Variants in CES4A observed in about 807,000 individuals in gnomAD.
CES4A encodes the protein carboxylesterase 6.
Under a neutral mutation model 65.4 loss-of-function variants are expected in CES4A, and 48 were observed. That is an observed-to-expected ratio of 0.73 (90% CI 0.58 to 0.93). The LOEUF is 0.93. Ranked by LOEUF, CES4A falls within the 40% of genes least tolerant of loss-of-function variation. The probability of loss-of-function intolerance (pLI) is 0.00; values close to 1 mark genes in which losing one functional copy is unlikely to be tolerated. For synonymous variants in CES4A, 247 were observed against 281.8 expected (o/e 0.88, Z 1.24); for missense variants, 685 against 728.5 (o/e 0.94, Z 0.69).
At chr16:67,005,612 C>T (rs932540619) in intron 11 of CES4A, 12 of 490,042 alleles carry the variant, frequency 2.4e-5, no homozygotes, top group Middle Eastern at 5.4e-4. Flanking sequence ...TTTGGGAAGC[C>T]GAAGTGGGTG....
rs1245230526 is a variant in CES4A at position 67,005,239 on chromosome 16, G to T, written c.1162-1G>T. 1 of 1,614,086 alleles carries T rather than the reference G, an allele frequency of 6.2e-7. No homozygotes were observed. Among genetic ancestry groups the T allele is most frequent in the South Asian group, 1.1e-5 (1 of 91,082 alleles). Reference sequence around the variant, plus strand: ...CAGGTAAGTGTGGCCTCCTCACTCAGAATATCACCAAGGAGCAGGTACCAC... The same window carrying T: ...CAGGTAAGTGTGGCCTCCTCACTCATAATATCACCAAGGAGCAGGTACCAC... On this transcript the variant is annotated splice_acceptor_variant, in intron 10 of 13. Coordinates refer to ENST00000648724, the Ensembl canonical transcript of CES4A. LOFTEE classifies it high-confidence loss of function.
Position 67,001,669 on chromosome 16 carries a change from C to T in CES4A, c.690+208C>T, listed in dbSNP as rs1965365332. ...ATAGCACTGATGAGAAAACTGAGCC[C>T]CAGGAAGGGTAGTGCTGAGGCTTGG... is the stretch of plus-strand genomic sequence containing the variant. On this transcript the variant is annotated intron_variant, in intron 5 of 13. Transcript: ENST00000648724. The surrounding 1 kb of genome is among the most constrained non-coding windows in gnomAD (Gnocchi z 4.1). 6.6e-6 allele frequency among the ~76,000 whole-genome samples: 1 copy of T among 152,200 alleles called. No homozygotes were observed. Among genetic ancestry groups the T allele is most frequent in the African/African-American group, 2.4e-5 (1 of 41,436 alleles).
intron 1 of CES4A, among the ~76,000 whole-genome samples, chr16:66,989,385 C>T (rs111661626): frequency 6.6e-6 from 1 of 150,906 alleles, no homozygotes; most frequent in African/African-American, 2.4e-5. Context: ...AACCATTATC[C>T]AGATCAACAT....
In CES4A at chr16:67,000,825, G is replaced by A; in HGVS notation, c.403-32G>A. 1 of 1,558,104 alleles carries A rather than the reference G, an allele frequency of 6.4e-7. No individual in the cohort carries two copies. Among genetic ancestry groups the A allele is most frequent in the Non-Finnish European group, 8.7e-7 (1 of 1,150,466 alleles). On this transcript the variant is annotated intron_variant, in intron 3 of 13. Coordinates refer to ENST00000648724, the Ensembl canonical transcript of CES4A. The surrounding 1 kb of genome is among the most constrained non-coding windows in gnomAD (Gnocchi z 4.2). ...GCCCGCGGTCCCACCGCCGCCCACC[G>A]CCCCGCTCAGATCCCGGCCTTCTTC...
chr16:67,008,894 A>C (rs1965978293), intron 13 of CES4A, 80 bp from the exon 14 acceptor site: 5 of 1,462,364 alleles, frequency 3.4e-6, no homozygotes, highest in Non-Finnish European at 4.7e-6. Context: ...CCCAAGGGCA[A>C]ATTAAACGAG....
rs763613217 is a variant in CES4A at position 66,995,682 on chromosome 16, G to A, written c.113G>A (p.Gly38Glu). 64 of 1,614,176 alleles carry A rather than the reference G, an allele frequency of 4.0e-5. No homozygotes were observed. The East Asian group carries it at 1.4e-3, about 35-fold the overall frequency. The change falls in exon 2 of 14, where the codon GGA (glycine) becomes GAA (glutamate). Residue 38 changes from glycine to glutamate, a missense_variant. Gly to Glu is a moderately conservative substitution (Grantham distance 98). Transcript: ENST00000648724. ...GTCACCAAATATGGAACCCTGCAAGGAAAACAGATGCATGTGGGGAAGACA... is the reference window on the plus strand; with the variant it reads ...GTCACCAAATATGGAACCCTGCAAGAAAAACAGATGCATGTGGGGAAGACA...
chr16:66,988,735 T>C lies in CES4A; in HGVS notation c.-38T>C, dbSNP rs552153673. The C allele has an allele frequency of 5.3e-5, 83 of 1,553,538 alleles. 1 individual carries two copies. The South Asian group carries it at 9.6e-4, about 18-fold the overall frequency. ...TCCACAGTGTTGCCATCCACAGTGT[T>C]GCCATCACTCCTGCCCACAGCAGGA... On this transcript the variant is annotated 5_prime_UTR_variant, in exon 1 of 14. Transcript: ENST00000648724.
At position 67,000,947 on chromosome 16, in the gene CES4A, C is replaced by T. The variant is rs769625338; in HGVS notation, c.493C>T (p.Leu165=). ...CTTGGCCGCCCGCGAGAAAGTGGTGCTGGTGTTTCTGCAGCACAGGCTCGG... is the reference window on the plus strand; with the variant it reads ...CTTGGCCGCCCGCGAGAAAGTGGTGTTGGTGTTTCTGCAGCACAGGCTCGG... The change falls in exon 4 of 14, where the codon CTG becomes TTG. Residue 165 remains leucine, a synonymous_variant. Coordinates refer to ENST00000648724, the Ensembl canonical transcript of CES4A. This position sits in a 1 kb window ranked among gnomAD's most constrained non-coding sequence, Gnocchi z 4.2. 1.6e-5 allele frequency: 26 copies of T among 1,613,218 alleles called. No homozygotes were observed. The African/African-American group carries it at 3.2e-4, about 20-fold the overall frequency.
In CES4A at chr16:66,995,884, T is replaced by C. The variant is rs1293271358; in HGVS notation, c.260+55T>C. ...GGGGCAATGGGCCTATGCCTGCATCTGGGTGGGGCTTTGCACAGCTCACTG... is the reference window on the plus strand; with the variant it reads ...GGGGCAATGGGCCTATGCCTGCATCCGGGTGGGGCTTTGCACAGCTCACTG... On this transcript the variant is annotated intron_variant, in intron 2 of 13. Transcript: ENST00000648724. The C allele has an allele frequency of 2.0e-6, 3 of 1,514,240 alleles. No individual in the cohort carries two copies. In the East Asian group the frequency reaches 6.8e-5, roughly 34 times the overall value. The allele number at this position is 1,514,240 out of a possible 1,614,324, so 93.8% of individuals were successfully genotyped here.
In CES4A at chr16:67,003,087, C is replaced by G. The variant is rs574058890; in HGVS notation, c.708C>G (p.Ala236=). The G allele has an allele frequency of 5.0e-6, 8 of 1,614,088 alleles. No homozygotes were observed. The South Asian group carries it at 8.8e-5, about 18-fold the overall frequency. Residue 236 remains alanine (A), a synonymous_variant, in exon 6 of 14, where the codon GCC becomes GCG. Transcript: ENST00000648724. This position sits in a 1 kb window ranked among gnomAD's most constrained non-coding sequence, Gnocchi z 4.2. ...TCTTGCAGATGATGTCACCCCTAGC[C>G]TCGGGTCTCTTCCATCGGGCCATTT...
chr16:67,008,849 G>C, intron 13 of CES4A, 125 bp from the exon 14 acceptor site: 1 of 929,456 alleles, frequency 1.1e-6, no homozygotes, highest in South Asian at 1.6e-5. Flanking sequence ...AAAGTTCTAA[G>C]TATCATCTCC....
chr16:66,996,730 C>A (rs1414194907), intron 2 of CES4A, among the ~76,000 whole-genome samples: 1 of 152,080 alleles, frequency 6.6e-6, no homozygotes, highest in Non-Finnish European at 1.5e-5. Flanking sequence ...TAAAAAGATA[C>A]AAATACCACC....
exon 14 of CES4A, chr16:67,009,178 G>T (rs993220883): frequency 3.1e-6 from 5 of 1,588,836 alleles, no homozygotes; most frequent in African/African-American, 2.7e-5. Flanking sequence ...AGAGGGGTTT[G>T]CCCCCACCAT....
chr16:66,988,761 G>T, exon 1 of CES4A: 2 of 1,560,558 alleles, frequency 1.3e-6, no homozygotes, highest in Non-Finnish European at 8.7e-7. Flanking sequence ...CACAGCAGGA[G>T]CTGGCTGGAG....
exon 2 of CES4A, chr16:66,995,730 T>A: frequency 1.9e-6 from 3 of 1,614,010 alleles, no homozygotes; most frequent in Non-Finnish European, 2.5e-6. Context: ...TTTTTAGGAG[T>A]CCCCTTCTCC....
At chr16:66,989,163 C>G (rs1964177131) in intron 1 of CES4A, among the ~76,000 whole-genome samples, 1 of 152,118 alleles carries the variant, frequency 6.6e-6, no homozygotes, top group Non-Finnish European at 1.5e-5. Flanking sequence ...AGGCCTGTCT[C>G]TGCCCCCTCT....
intron 1 of CES4A, among the ~76,000 whole-genome samples, chr16:66,994,764 G>A (rs1240825438): frequency 2.6e-5 from 4 of 151,306 alleles, no homozygotes; most frequent in Non-Finnish European, 5.9e-5. Context: ...GCTTGAACCC[G>A]GGAGGCAGAG....
exon 9 of CES4A, chr16:67,004,106 T>C (rs767794757): frequency 6.2e-7 from 1 of 1,614,130 alleles, no homozygotes; most frequent in Non-Finnish European, 8.5e-7. Context: ...ATGAGCCCTG[T>C]GGTGGATGGT....
chr16:66,992,186 C>A (rs975719512), intron 1 of CES4A, among the ~76,000 whole-genome samples: 1 of 152,222 alleles, frequency 6.6e-6, no homozygotes, highest in East Asian at 1.9e-4. Flanking sequence ...CAGCTCCTCC[C>A]AAGTCCAGTG....
Sources: gnomAD v4.1 joint callset for allele counts (sites outside exome capture counted in the v4.1 genomes callset) on GRCh38, gnomAD v4.1.1 for gene constraint, Gnocchi (gnomAD v3.1) non-coding constraint, MANE v1.5 for transcripts, NCBI Gene and HGNC (gene_info 2026-07-23, HGNC 2026-07-21) for gene names.